The following FOXP1 variants were observed in gnomAD, a reference collection of about 807,000 sequenced individuals.
FOXP1 encodes the protein forkhead box P1.
Under a neutral mutation model 98.2 loss-of-function variants are expected in FOXP1, and 15 were observed. The observed-to-expected ratio is 0.15, with a 90% CI of 0.10 to 0.24. FOXP1 has a LOEUF of 0.24. Ranked by LOEUF, FOXP1 falls within the 10% of genes least tolerant of loss-of-function variation. The pLI is 1.00. For missense variants in FOXP1, 633 were observed against 848.5 expected (o/e 0.75, Z 3.15); for synonymous variants, 371 against 314.5 (o/e 1.18, Z -1.90).
chr3:71,301,201 T>A (rs1036751142), intron 4 of FOXP1, among the ~76,000 whole-genome samples: 4 of 152,220 alleles, frequency 2.6e-5, no homozygotes, highest in African/African-American at 9.7e-5. Context: ...TTTTGCAGCC[T>A]GACCAAAACC....
At chr3:71,172,111 T>C (rs1190988147) in intron 6 of FOXP1, among the ~76,000 whole-genome samples, 1 of 152,214 alleles carries the variant, frequency 6.6e-6, no homozygotes, top group African/African-American at 2.4e-5. Flanking sequence ...TGCTTAATCA[T>C]GGATATCGTG....
intron 4 of FOXP1, among the ~76,000 whole-genome samples, chr3:71,313,890 G>T (rs2074888558): frequency 6.6e-6 from 1 of 152,152 alleles, no homozygotes; most frequent in Admixed American, 6.5e-5. Context: ...ACAGAATATA[G>T]TACTATACAG....
intron 3 of FOXP1, among the ~76,000 whole-genome samples, chr3:71,426,629 C>T (rs913095878): frequency 6.6e-6 from 1 of 152,180 alleles, no homozygotes; most frequent in African/African-American, 2.4e-5. Flanking sequence ...CTCATCCCAC[C>T]TCAAGGTCTC....
At chr3:71,554,358 C>A (rs830649) in intron 2 of FOXP1, among the ~76,000 whole-genome samples, 102,753 of 151,968 alleles carry the variant, frequency 0.68, 36,967 homozygotes, top group African/African-American at 0.85. Flanking sequence ...GTCTCTTTAA[C>A]AAATTTTTTT....
At chr3:71,583,929 GC>G (rs1462966576), upstream of FOXP1, 2 of 984,044 alleles carry the variant, frequency 2.0e-6, no homozygotes, top group Non-Finnish European at 2.4e-6. Flanking sequence ...CACTCCAGCG[GC>G]CCCCCGAGCG....
chr3:71,198,079 G>A, intron 6 of FOXP1, 123 bp downstream of exon 6: 5 of 1,614,154 alleles, frequency 3.1e-6, no homozygotes, highest in Non-Finnish European at 4.2e-6. Flanking sequence ...CTGACAGACA[G>A]AAAGACAGAT....
intron 3 of FOXP1, among the ~76,000 whole-genome samples, chr3:71,430,702 C>T (rs1314888709): frequency 6.6e-6 from 1 of 152,178 alleles, no homozygotes; most frequent in Admixed American, 6.5e-5. Context: ...AAAGAGGAAA[C>T]TACCTGCCCA....
chr3:71,262,679 G>A (rs527325000), intron 5 of FOXP1, among the ~76,000 whole-genome samples: 3 of 152,258 alleles, frequency 2.0e-5, no homozygotes, highest in Admixed American at 6.5e-5. Context: ...AGAGTCCTCC[G>A]TATTTACCCA....
intron 6 of FOXP1, among the ~76,000 whole-genome samples, chr3:71,124,874 T>C (rs1432749980): frequency 1.3e-5 from 2 of 152,206 alleles, no homozygotes; most frequent in African/African-American, 4.8e-5. Context: ...TCTCAAACCA[T>C]TGGTCGTCCT....
intron 5 of FOXP1, among the ~76,000 whole-genome samples, chr3:71,239,066 C>G (rs1234327577): frequency 6.6e-6 from 1 of 152,168 alleles, no homozygotes; most frequent in Non-Finnish European, 1.5e-5. Context: ...CTTCAGAGAG[C>G]TTATGCTCTC....
chr3:71,038,566 C>T (rs1391515742), intron 11 of FOXP1, among the ~76,000 whole-genome samples: 1 of 152,082 alleles, frequency 6.6e-6, no homozygotes, highest in Non-Finnish European at 1.5e-5. Context: ...AACTGGTTAT[C>T]ACACGTGATT....
chr3:71,501,429 G>A (rs533961605), intron 2 of FOXP1, among the ~76,000 whole-genome samples: 6 of 151,524 alleles, frequency 4.0e-5, no homozygotes, highest in Admixed American at 3.3e-4. Context: ...CGAGTAGCTG[G>A]GATTACAGGC....
chr3:71,020,186 G>T (rs1050344643), intron 11 of FOXP1, among the ~76,000 whole-genome samples: 1 of 152,052 alleles, frequency 6.6e-6, no homozygotes, highest in Non-Finnish European at 1.5e-5. Flanking sequence ...CACAAAAATA[G>T]TGATAGCATT....
chr3:71,332,312 A>G, intron 4 of FOXP1: 1 of 155,836 alleles, frequency 6.4e-6, no homozygotes. Context: ...TTCACGCCTG[A>G]GCCAGCGAGA....
In FOXP1 at chr3:71,112,452, A is replaced by G. The variant is rs536439435; in HGVS notation, c.282+84T>C. 2.8e-5 allele frequency: 30 copies of G among 1,082,878 alleles called. No individual in the cohort carries two copies. The Admixed American group carries it at 4.5e-4, about 16-fold the overall frequency. The allele number at this position is 1,082,878 out of a possible 1,614,324, so 67.1% of individuals were successfully genotyped here. On this transcript the variant is annotated intron_variant, in intron 7 of 20. Coordinates refer to ENST00000649528, the MANE Select transcript of FOXP1 (RefSeq NM_001349338.3). Reference sequence around the variant, plus strand: ...AGAAGATTTTCTTACATGATTTGCAATGCTCAACACAATCCACTCCTGAAC... The same window carrying G: ...AGAAGATTTTCTTACATGATTTGCAGTGCTCAACACAATCCACTCCTGAAC...
chr3:71,258,374 C>G (rs2068814411), intron 5 of FOXP1, among the ~76,000 whole-genome samples: 1 of 152,166 alleles, frequency 6.6e-6, no homozygotes, highest in Non-Finnish European at 1.5e-5. Flanking sequence ...GAAGCAGTAA[C>G]AGGAGCTATA....
Position 71,501,162 on chromosome 3 carries a change from G to A in FOXP1, c.-297-7607C>T, listed in dbSNP as rs1039563830. Among the ~76,000 whole-genome samples, 49 of 152,256 alleles carry A rather than the reference G, an allele frequency of 3.2e-4. 1 individual carries two copies. The highest frequency in any genetic ancestry group is 1.2e-3 in the African/African-American group (48 of 41,548). ...AGCCCAGATCAAGTCTCTGCAGCCT[G>A]GGTGACAGAGTGAGACTCCGTCTCT... is the stretch of plus-strand genomic sequence containing the variant. On this transcript the variant is annotated intron_variant, in intron 2 of 20. Coordinates refer to ENST00000649528, the MANE Select transcript of FOXP1 (RefSeq NM_001349338.3).
At chr3:71,060,501 C>T (rs1220307824) in intron 7 of FOXP1, among the ~76,000 whole-genome samples, 2 of 151,978 alleles carry the variant, frequency 1.3e-5, no homozygotes, top group African/African-American at 2.4e-5. Flanking sequence ...ATGGGAAACC[C>T]GTGCAGACCC....
At chr3:70,988,122 A>G in intron 13 of FOXP1, 45 bp from the exon 14 acceptor site, 2 of 1,538,260 alleles carry the variant, frequency 1.3e-6, no homozygotes, top group Non-Finnish European at 1.8e-6. Context: ...ATAAAGATGC[A>G]TGGCTCTTAA....
Sources: allele counts gnomAD v4.1 joint callset (sites outside exome capture counted in the v4.1 genomes callset), GRCh38; gene constraint gnomAD v4.1.1; transcripts MANE v1.5; gene names NCBI Gene and HGNC (gene_info 2026-07-23, HGNC 2026-07-21).